Variants in PRPSAP1 observed in about 807,000 individuals in gnomAD.
PRPSAP1 encodes phosphoribosyl pyrophosphate synthetase associated protein 1, also known as phosphoribosyl pyrophosphate synthase-associated protein 1.
PRPSAP1 carries 31 observed loss-of-function variants against 39.4 expected under a neutral mutation model. The observed-to-expected ratio is 0.79, with a 90% CI of 0.59 to 1.06. The LOEUF (loss-of-function observed/expected upper bound fraction) is 1.06, where lower values mean the gene tolerates loss of function less well. Among genes scored for constraint, PRPSAP1 ranks in the 50% least tolerant of loss-of-function variants. The pLI, the probability that PRPSAP1 is intolerant of heterozygous loss-of-function variation, is 0.00. For missense variants in PRPSAP1, 430 were observed against 511.6 expected, an observed-to-expected ratio of 0.84 and a Z score of 1.54; for synonymous variants, 212 against 192.6, an observed-to-expected ratio of 1.10 and a Z score of -0.83.
intron 7 of PRPSAP1, among the ~76,000 whole-genome samples, chr17:76,325,659 C>T (rs1490605397): frequency 1.4e-5 from 2 of 142,976 alleles, no homozygotes; most frequent in Admixed American, 1.4e-4. Flanking sequence ...AGTGCAGTGG[C>T]GCGATTTCAG....
rs138912060 is a variant in PRPSAP1, at chr17:76,328,781, G to A, written c.717C>T (p.Asp239=). 36 of 1,614,106 alleles carry A rather than the reference G, an allele frequency of 2.2e-5. No homozygotes were observed. Among genetic ancestry groups the A allele is most frequent in the East Asian group, 1.3e-4 (6 of 44,888 alleles). Residue 239 remains aspartate (D), a synonymous_variant, in exon 7 of 10, where the codon GAC becomes GAT. Transcript: ENST00000446526. ...GEAQCTELDM[D]DGRHSPPMVK... is the part of the protein sequence containing the mutation. ...CCATAGGCGGGGAGTGACGACCATCGTCCATGTCCAGTTCCGTGCACTGAG... is the reference window on the plus strand; with the variant it reads ...CCATAGGCGGGGAGTGACGACCATCATCCATGTCCAGTTCCGTGCACTGAG...
intron 2 of PRPSAP1, 130 bp from the exon 3 acceptor site, chr17:76,344,867 G>A (rs531152357): frequency 1.7e-6 from 1 of 606,040 alleles, no homozygotes. Flanking sequence ...TAGGAGGGCT[G>A]AGGAAAGCAG....
chr17:76,340,985 G>A (rs2071430871), intron 3 of PRPSAP1, among the ~76,000 whole-genome samples: 1 of 150,214 alleles, frequency 6.7e-6, no homozygotes, highest in Non-Finnish European at 1.5e-5. Context: ...GAGACTGCTG[G>A]ACTATCTAAC....
chr17:76,353,704 C>T lies in PRPSAP1; in HGVS notation c.-1G>A. The T allele has an allele frequency of 6.8e-7, 1 of 1,462,514 alleles. No individual in the cohort carries two copies. The highest frequency in any genetic ancestry group is 1.4e-5 in the South Asian group (1 of 72,144). The allele number at this position is 1,462,514 out of a possible 1,614,324, so 90.6% of individuals were successfully genotyped here. On this transcript the variant is annotated 5_prime_UTR_variant, in exon 1 of 10. Coordinates refer to ENST00000446526, the MANE Select transcript of PRPSAP1 (RefSeq NM_002766.3). ...GCAACAGCAGCAGCTTCTTGGGCATCGTCCGGCCCGCGGCGCGGTTACGAC... is the reference window on the plus strand; with the variant it reads ...GCAACAGCAGCAGCTTCTTGGGCATTGTCCGGCCCGCGGCGCGGTTACGAC...
intron 5 of PRPSAP1, 136 bp from the exon 6 acceptor site, chr17:76,330,234 G>A (rs1346355188): frequency 4.0e-6 from 3 of 748,196 alleles, no homozygotes; most frequent in Non-Finnish European, 6.4e-6. Flanking sequence ...ACAAGTTTTA[G>A]ATTTTTCAAT....
chr17:76,354,151 G>A, upstream of PRPSAP1: 1 of 993,624 alleles, frequency 1.0e-6, no homozygotes, highest in Non-Finnish European at 1.2e-6. Flanking sequence ...CAACTTTTTG[G>A]CCAGGACCCA....
Position 76,311,380 on chromosome 17 carries a change from T to C in PRPSAP1, c.*162A>G. The stretch of plus-strand genomic sequence containing the variant: ...TATTTATCCATTAGCTCTGTCTTCT[T>C]CCTGACTCTTTTAATCCCTCCTCCC... On this transcript the variant is annotated 3_prime_UTR_variant, in exon 10 of 10. Transcript: ENST00000446526. The C allele has an allele frequency of 1.4e-6, 1 of 707,600 alleles. No individual in the cohort carries two copies. The highest frequency in any genetic ancestry group is 2.2e-6 in the Non-Finnish European group (1 of 452,252). The allele number at this position is 707,600 out of a possible 1,614,324, so 43.8% of individuals were successfully genotyped here. A position where few individuals can be genotyped will look rare whatever the true frequency, so the allele number is the denominator to read the frequency against.
chr17:76,314,228 G>GT (rs1555591439), intron 7 of PRPSAP1: 1 of 275,108 alleles, frequency 3.6e-6, no homozygotes, highest in African/African-American at 2.2e-5. Flanking sequence ...ATGTATGTAT[G>GT]TATTTTTTGA....
chr17:76,312,258 T>G (rs542831424), intron 9 of PRPSAP1, among the ~76,000 whole-genome samples: 1 of 152,258 alleles, frequency 6.6e-6, no homozygotes, highest in Admixed American at 6.5e-5. Context: ...CTGGCCAACA[T>G]GGTGAAACCC....
chr17:76,353,931 C>T, upstream of PRPSAP1: 2 of 1,321,648 alleles, frequency 1.5e-6, no homozygotes, highest in South Asian at 4.2e-5. Context: ...CCACCGCCCC[C>T]TCCGGGCATC....
intron 9 of PRPSAP1, among the ~76,000 whole-genome samples, chr17:76,312,291 A>G (rs531698415): frequency 2.8e-4 from 42 of 152,154 alleles, no homozygotes; most frequent in African/African-American, 9.9e-4. Context: ...AAACACAAAA[A>G]TTAGGCCTGG....
chr17:76,354,086 CGGTCTCACTTTCTT>C, upstream of PRPSAP1: 1 of 1,038,144 alleles, frequency 9.6e-7, no homozygotes, highest in Non-Finnish European at 1.2e-6. Context: ...GGAGCTCTTT[CGGTCTCACTTTCTT>C]GGGAGGAGCA....
At chr17:76,329,952 G>C in intron 6 of PRPSAP1, 91 bp downstream of exon 6, 2 of 1,265,346 alleles carry the variant, frequency 1.6e-6, no homozygotes, top group South Asian at 1.2e-5. Context: ...GCTTTCAAAG[G>C]CCACGAGTGA....
intron 1 of PRPSAP1, among the ~76,000 whole-genome samples, chr17:76,348,934 T>C (rs568020218): frequency 6.6e-6 from 1 of 152,132 alleles, no homozygotes; most frequent in Non-Finnish European, 1.5e-5. Flanking sequence ...ATCAAAAGCA[T>C]AGAGAAGGAA....
chr17:76,353,266 A>T, intron 1 of PRPSAP1: 1 of 456,612 alleles, frequency 2.2e-6, no homozygotes, highest in Non-Finnish European at 3.9e-6. Flanking sequence ...GGGGTGTGGG[A>T]CTGCGGAGAC....
intron 7 of PRPSAP1, among the ~76,000 whole-genome samples, chr17:76,325,045 G>C (rs116281914): frequency 6.9e-6 from 1 of 144,590 alleles, no homozygotes; most frequent in African/African-American, 2.6e-5. Context: ...CAGCCTGGAC[G>C]ACAGAGAGAG....
rs1162951600 is a variant in PRPSAP1 at position 76,333,938 on chromosome 17, G to C, written c.291-1503C>G. ...TGGTCTCACCCTGTCACCCAGGCTA[G>C]AGTGCAGTGGTACAATCTTAGCTCA... is the stretch of plus-strand genomic sequence containing the variant. On this transcript the variant is annotated intron_variant, in intron 3 of 9. Coordinates refer to ENST00000446526, the MANE Select transcript of PRPSAP1 (RefSeq NM_002766.3). Among the ~76,000 whole-genome samples, 3 of 152,162 alleles carry C rather than the reference G, an allele frequency of 2.0e-5. No homozygotes were observed. In the East Asian group the frequency reaches 5.8e-4, roughly 29 times the overall value.
In PRPSAP1 at chr17:76,332,449, A is replaced by G. The variant is rs780467074; in HGVS notation, c.291-14T>C. 7 of 1,612,928 alleles carry G rather than the reference A, an allele frequency of 4.3e-6. No individual in the cohort carries two copies. The highest frequency in any genetic ancestry group is 5.9e-6 in the Non-Finnish European group (7 of 1,179,130). ...GTATTCACATCTCTGAAACAGTCAA[A>G]GTTTGTATTTGGGGATTAATTCCAT... On this transcript the variant is annotated splice_polypyrimidine_tract_variant and intron_variant, in intron 3 of 9. Coordinates refer to ENST00000446526, the MANE Select transcript of PRPSAP1 (RefSeq NM_002766.3).
chr17:76,319,766 AAAAT>A (rs2143465592), intron 7 of PRPSAP1, among the ~76,000 whole-genome samples: 1 of 152,150 alleles, frequency 6.6e-6, no homozygotes, highest in South Asian at 2.1e-4. Context: ...CTGATTTTTA[AAAAT>A]AAATAAATAC....
Sources: gnomAD v4.1 joint callset for allele counts (sites outside exome capture counted in the v4.1 genomes callset) on GRCh38, gnomAD v4.1.1 for gene constraint, MANE v1.5 for transcripts, NCBI Gene and HGNC (gene_info 2026-07-23, HGNC 2026-07-21) for gene names.